GDNF: variants seen among roughly 807,000 people sequenced by gnomAD.
GDNF encodes the protein glial cell derived neurotrophic factor, also known as glial cell line-derived neurotrophic factor.
GDNF carries 5 observed loss-of-function variants against 13.7 expected under a neutral mutation model. That is an observed-to-expected ratio of 0.36 (90% confidence interval 0.19 to 0.77). The LOEUF is 0.77. Ranked by LOEUF, GDNF falls within the 30% of genes least tolerant of loss-of-function variation. The pLI, the probability that GDNF is intolerant of heterozygous loss-of-function variation, is 0.51. For synonymous variants in GDNF, 122 were observed against 112.5 expected, an observed-to-expected ratio of 1.08 and a Z score of -0.53; for missense variants, 246 against 274.3, an observed-to-expected ratio of 0.90 and a Z score of 0.73.
Position 37,812,780 on chromosome 5 carries a change from A to G in GDNF, c.*2871T>C, listed in dbSNP as rs1229788662. 1 of 152,234 alleles carries G rather than the reference A, an allele frequency of 6.6e-6. No homozygotes were observed. Among genetic ancestry groups the G allele is most frequent in the Non-Finnish European group, 1.5e-5 (1 of 68,044 alleles). 9.4% of individuals were successfully genotyped at this position (152,234 alleles called of 1,614,324 possible). ...TTTATAACACAAACGACCAAGACAG[A>G]TCAGAGAAGTCAGAACTTCCAAACA... On this transcript the variant is annotated 3_prime_UTR_variant, in exon 3 of 3. Transcript: ENST00000326524.
At chr5:37,835,395 C>G in intron 1 of GDNF, 1 of 1,389,850 alleles carries the variant, frequency 7.2e-7, no homozygotes, top group Non-Finnish European at 9.3e-7. Flanking sequence ...CACCACTCAC[C>G]CAGCCTGCCG....
chr5:37,819,980 C>A (rs536403009), intron 2 of GDNF, among the ~76,000 whole-genome samples: 2 of 152,096 alleles, frequency 1.3e-5, no homozygotes, highest in East Asian at 3.9e-4. Context: ...AAAAAACATG[C>A]TTGTATATAA....
At position 37,837,012 on chromosome 5, in the gene GDNF, C is replaced by A. The variant is rs1750731299; in HGVS notation, c.-26-2190G>T. ...CGCCCGGATCGAGCTCCCCTCTTCC[C>A]CCGGGACAGGGAGGGCGCATTCTTC... On this transcript the variant is annotated intron_variant, in intron 1 of 2. Coordinates refer to ENST00000326524, the MANE Select transcript of GDNF (RefSeq NM_000514.4). This position sits in a 1 kb window ranked among gnomAD's most constrained non-coding sequence, Gnocchi z 6.5. Among the ~76,000 whole-genome samples the A allele has an allele frequency of 6.6e-6, 1 of 152,210 alleles. No individual in the cohort carries two copies. The highest frequency in any genetic ancestry group is 6.5e-5 in the Admixed American group (1 of 15,290).
rs1750800790 is a variant in GDNF at position 37,838,893 on chromosome 5, C to T, written c.-27+614G>A. Among the ~76,000 whole-genome samples the T allele has an allele frequency of 6.6e-6, 1 of 152,182 alleles. No homozygotes were observed. Among genetic ancestry groups the T allele is most frequent in the South Asian group, 2.1e-4 (1 of 4,832 alleles). On this transcript the variant is annotated intron_variant, in intron 1 of 2. Coordinates refer to ENST00000326524, the MANE Select transcript of GDNF (RefSeq NM_000514.4). This position sits in a 1 kb window ranked among gnomAD's most constrained non-coding sequence, Gnocchi z 4.1. The stretch of plus-strand genomic sequence containing the variant: ...ACTGGCAAGAAAGCCCCTCTCCTAA[C>T]CTCGACGGGGATGGTTAGTTGGGGT...
Position 37,838,332 on chromosome 5 carries a change from A to C in GDNF, c.-27+1175T>G, listed in dbSNP as rs1750783284. Among the ~76,000 whole-genome samples, 1 of 152,262 alleles carries C rather than the reference A, an allele frequency of 6.6e-6. No individual in the cohort carries two copies. On this transcript the variant is annotated intron_variant, in intron 1 of 2. Coordinates refer to ENST00000326524, the MANE Select transcript of GDNF (RefSeq NM_000514.4). This position sits in a 1 kb window ranked among gnomAD's most constrained non-coding sequence, Gnocchi z 4.1. ...ACCTTCCCTGACAAAGCGAAGGCGCAGCGAAACAGTACGAGTTTGGTCGAG... is the reference window on the plus strand; with the variant it reads ...ACCTTCCCTGACAAAGCGAAGGCGCCGCGAAACAGTACGAGTTTGGTCGAG...
Position 37,834,709 on chromosome 5 carries a change from C to A in GDNF, c.88G>T (p.Glu30Ter). ...AGGGAGCGGTCTTCGGCGGGCGCCT[C>A]GGGAGGCCTCTTACCGGCGGGCAGC... ...FPLPAGKRPP[E>*]APAEDRSLGR... Residue 30 changes from glutamate (E) to a stop codon, truncating the protein, a stop_gained, in exon 2 of 3, where the codon GAG becomes TAG. Transcript: ENST00000326524. LOFTEE classifies it high-confidence loss of function. The A allele has an allele frequency of 6.2e-7, 1 of 1,610,758 alleles. No homozygotes were observed. Among genetic ancestry groups the A allele is most frequent in the Non-Finnish European group, 8.5e-7 (1 of 1,178,874 alleles).
intron 2 of GDNF, among the ~76,000 whole-genome samples, chr5:37,817,560 A>G (rs1749976925): frequency 6.6e-6 from 1 of 152,126 alleles, no homozygotes; most frequent in Non-Finnish European, 1.5e-5. Context: ...TATCCCTCCT[A>G]TAGAACAAAA....
At position 37,829,339 on chromosome 5, in the gene GDNF, T is replaced by TG. The variant is rs1245123984; in HGVS notation, c.151+5306dup. Among the ~76,000 whole-genome samples the TG allele has an allele frequency of 3.9e-5, 6 of 152,308 alleles. No individual in the cohort carries two copies. In the East Asian group the frequency reaches 9.6e-4, roughly 24 times the overall value. On this transcript the variant is annotated intron_variant, in intron 2 of 2. Coordinates refer to ENST00000326524, the MANE Select transcript of GDNF (RefSeq NM_000514.4). Reference sequence around the variant, plus strand: ...CTCTTCCCTGAAGTCGTCCCTGCTATGATACCCAAATCCCAGTGAGCTCAC... The same window carrying TG: ...CTCTTCCCTGAAGTCGTCCCTGCTATGGATACCCAAATCCCAGTGAGCTCAC...
chr5:37,815,328 A>C lies in GDNF; in HGVS notation c.*323T>G. ...CCGGTAATCAGTGATGGTGGACTGT[A>C]TCAGCTGAAATGGTGGCAATAGCCA... On this transcript the variant is annotated 3_prime_UTR_variant, in exon 3 of 3. Transcript: ENST00000326524. The surrounding 1 kb of genome is among the most constrained non-coding windows in gnomAD (Gnocchi z 5.0). 4.7e-6 allele frequency: 2 copies of C among 422,768 alleles called. No individual in the cohort carries two copies. Among genetic ancestry groups the C allele is most frequent in the Non-Finnish European group, 8.8e-6 (2 of 227,236 alleles). The allele number at this position is 422,768 out of a possible 1,614,324, so 26.2% of individuals were successfully genotyped here. A position where few individuals can be genotyped will look rare whatever the true frequency, so the allele number is the denominator to read the frequency against.
Position 37,815,304 on chromosome 5 carries a change from C to T in GDNF, c.*347G>A, listed in dbSNP as rs1036030610. ...TCAAGTGCATCCACCGCAACCGCGC[C>T]GGTAATCAGTGATGGTGGACTGTAT... is the stretch of plus-strand genomic sequence containing the variant. On this transcript the variant is annotated 3_prime_UTR_variant, in exon 3 of 3. Transcript: ENST00000326524. This position sits in a 1 kb window ranked among gnomAD's most constrained non-coding sequence, Gnocchi z 5.0. 4.1e-5 allele frequency: 15 copies of T among 367,526 alleles called. No homozygotes were observed. Among genetic ancestry groups the T allele is most frequent in the South Asian group, 2.0e-4 (7 of 35,654 alleles). 22.8% of individuals were successfully genotyped at this position (367,526 alleles called of 1,614,324 possible).
chr5:37,818,641 T>C (rs1441756364), intron 2 of GDNF, among the ~76,000 whole-genome samples: 1 of 152,222 alleles, frequency 6.6e-6, no homozygotes, highest in South Asian at 2.1e-4. Context: ...AAATGTCCCC[T>C]AGGGGCAACA....
intron 1 of GDNF, chr5:37,835,432 T>G: frequency 7.0e-7 from 1 of 1,431,546 alleles, no homozygotes; most frequent in East Asian, 2.6e-5. Flanking sequence ...CCCACCTAAA[T>G]AGGTATTCTG....
At position 37,839,739 on chromosome 5, in the gene GDNF, C is replaced by T. The variant is rs1213366446; in HGVS notation, c.-259G>A. The T allele has an allele frequency of 6.6e-6, 1 of 152,188 alleles. No individual in the cohort carries two copies. Among genetic ancestry groups the T allele is most frequent in the Non-Finnish European group, 1.5e-5 (1 of 68,090 alleles). The allele number at this position is 152,188 out of a possible 1,614,324, so 9.4% of individuals were successfully genotyped here. On this transcript the variant is annotated 5_prime_UTR_variant, in exon 1 of 3. Coordinates refer to ENST00000326524, the MANE Select transcript of GDNF (RefSeq NM_000514.4). The surrounding 1 kb of genome is among the most constrained non-coding windows in gnomAD (Gnocchi z 5.5). Reference sequence around the variant, plus strand: ...GGGCGAGGGCTGCCGGCAACTCTCCCGCCGGGCCCCCGCACCCCCAGAAGC... The same window carrying T: ...GGGCGAGGGCTGCCGGCAACTCTCCTGCCGGGCCCCCGCACCCCCAGAAGC...
chr5:37,836,601 C>A (rs958072747), intron 1 of GDNF, among the ~76,000 whole-genome samples: 3 of 152,306 alleles, frequency 2.0e-5, no homozygotes, highest in Admixed American at 6.5e-5. Flanking sequence ...CCAGGCCATG[C>A]AAAATGAGCC....
In GDNF at chr5:37,834,686, GGA is replaced by G; in HGVS notation, c.109_110del (p.Ser37ProfsTer13). ...RPPEAPAEDRSLGRRRAPFAL... is the reference protein window; with the variant it reads ...RPPEAPAEDRXLGRRRAPFAL... ...CGAAGGGCGCGCGGCGGCGGCCGAG[GGA>G]GCGGTCTTCGGCGGGCGCCTCGGGA... On this transcript the variant is annotated frameshift_variant, in exon 2 of 3. Coordinates refer to ENST00000326524, the MANE Select transcript of GDNF (RefSeq NM_000514.4). LOFTEE classifies it high-confidence loss of function. The G allele has an allele frequency of 6.2e-7, 1 of 1,608,488 alleles. No individual in the cohort carries two copies. The highest frequency in any genetic ancestry group is 1.1e-5 in the South Asian group (1 of 90,768).
rs766386118 is a variant in GDNF at position 37,816,076 on chromosome 5, T to C, written c.211A>G (p.Thr71Ala). Residue 71 changes from threonine (T) to alanine (A), a missense_variant, in exon 3 of 3, where the codon ACC becomes GCC. Coordinates refer to ENST00000326524, the MANE Select transcript of GDNF (RefSeq NM_000514.4). Reference protein sequence around the residue: ...FDDVMDFIQATIKRLKRSPDK... With the variant: ...FDDVMDFIQAAIKRLKRSPDK... ...GGTGACCTTTTCAGTCTTTTAATGG[T>C]GGCTTGAATAAAATCCATGACATCA... The C allele has an allele frequency of 1.2e-6, 2 of 1,613,224 alleles. No homozygotes were observed. The highest frequency in any genetic ancestry group is 1.7e-6 in the Non-Finnish European group (2 of 1,179,286).
At chr5:37,826,123 G>A (rs1750305621) in intron 2 of GDNF, among the ~76,000 whole-genome samples, 1 of 152,152 alleles carries the variant, frequency 6.6e-6, no homozygotes, top group South Asian at 2.1e-4. Flanking sequence ...AGGCTGCCCT[G>A]TGTCCAGACC....
intron 2 of GDNF, among the ~76,000 whole-genome samples, chr5:37,819,019 G>C (rs1023170634): frequency 2.0e-5 from 3 of 152,110 alleles, no homozygotes; most frequent in Admixed American, 2.0e-4. Flanking sequence ...TTCTCTAAAA[G>C]AATGTCAACT....
At chr5:37,817,158 A>C (rs546832846) in intron 2 of GDNF, among the ~76,000 whole-genome samples, 6 of 152,330 alleles carry the variant, frequency 3.9e-5, no homozygotes, top group Admixed American at 1.3e-4. Flanking sequence ...ATGCAGGGAC[A>C]CTAAGATGTC....
Sources: allele counts gnomAD v4.1 joint callset (sites outside exome capture counted in the v4.1 genomes callset), GRCh38; gene constraint gnomAD v4.1.1; non-coding constraint Gnocchi (gnomAD v3.1); transcripts MANE v1.5; gene names NCBI Gene and HGNC (gene_info 2026-07-23, HGNC 2026-07-21).